SHROOM3: variants seen among roughly 807,000 people sequenced by gnomAD.
The protein encoded by SHROOM3 is shroom family member 3, also known as protein Shroom3.
Under a neutral mutation model 138.6 loss-of-function variants are expected in SHROOM3, and 47 were observed. The observed-to-expected ratio is 0.34, with a 90% CI of 0.27 to 0.43. The LOEUF is 0.43. SHROOM3 is among the 20% of genes least tolerant of loss of function. SHROOM3 has a pLI of 1.00. For synonymous variants in SHROOM3, 1,062 were observed against 1,063.3 expected (o/e 1.00, Z 0.02); for missense variants, 2,491 against 2,596.5 (o/e 0.96, Z 0.88).
At chr4:76,524,633 C>A (rs551165970) in intron 1 of SHROOM3, among the ~76,000 whole-genome samples, 34 of 152,288 alleles carry the variant, frequency 2.2e-4, no homozygotes, top group African/African-American at 7.7e-4. Context: ...CACCATCAAC[C>A]CTTACAAGGG....
chr4:76,528,163 T>C lies in SHROOM3; in HGVS notation c.169-27446T>C, dbSNP rs1350808358. 2.6e-5 allele frequency among the ~76,000 whole-genome samples: 4 copies of C among 152,306 alleles called. No individual in the cohort carries two copies. The Middle Eastern group carries it at 0.01, about 389-fold the overall frequency. On this transcript the variant is annotated intron_variant, in intron 1 of 10. Transcript: ENST00000296043. ...AGGAATAAATTTTTACAATCACATT[T>C]GTCAAGTGAGCCAAGAAGTAATTTT...
At chr4:76,713,125 G>C (rs1188894862) in intron 3 of SHROOM3, among the ~76,000 whole-genome samples, 1 of 152,212 alleles carries the variant, frequency 6.6e-6, no homozygotes. Flanking sequence ...ACTGTGCACT[G>C]CTTTACTGTA....
At position 76,469,736 on chromosome 4, in the gene SHROOM3, C is replaced by T. The variant is rs149087928; in HGVS notation, c.168+33516C>T. Among the ~76,000 whole-genome samples, 1,066 of 152,276 alleles carry T rather than the reference C, an allele frequency of 7.0e-3. 9 individuals carry two copies. Among genetic ancestry groups the T allele is most frequent in the African/African-American group, 0.024 (1,009 of 41,562 alleles). ...CCTCCCAAAGTGCTGGGATTACAGGCGTGAGCCACCAGGCCCAGCTCCCAG... is the reference window on the plus strand; with the variant it reads ...CCTCCCAAAGTGCTGGGATTACAGGTGTGAGCCACCAGGCCCAGCTCCCAG... On this transcript the variant is annotated intron_variant, in intron 1 of 10. Transcript: ENST00000296043.
rs114638782 is a variant in SHROOM3 at position 76,444,352 on chromosome 4, C to T, written c.168+8132C>T. 8.4e-3 allele frequency among the ~76,000 whole-genome samples: 1,263 copies of T among 151,116 alleles called. 20 individuals carry two copies. Among genetic ancestry groups the T allele is most frequent in the East Asian group, 0.041 (213 of 5,156 alleles). On this transcript the variant is annotated intron_variant, in intron 1 of 10. Coordinates refer to ENST00000296043, the MANE Select transcript of SHROOM3 (RefSeq NM_020859.4). ...TTCCAGCATAGAAAAAAGCTTACAT[C>T]CCAGACAATATAGGGCTCTGAGTGG...
chr4:76,608,743 T>TAGCACAGCACAGCACAGCACAGCAC (rs1553928262), intron 2 of SHROOM3, among the ~76,000 whole-genome samples: 1 of 130,438 alleles, frequency 7.7e-6, no homozygotes, highest in African/African-American at 2.9e-5. Context: ...TAGCATAGCA[T>TAGCACAGCACAGCACAGCACAGCAC]AGCACAGTGT....
chr4:76,452,889 T>A (rs1490676894), intron 1 of SHROOM3, among the ~76,000 whole-genome samples: 1 of 152,148 alleles, frequency 6.6e-6, no homozygotes, highest in African/African-American at 2.4e-5. Flanking sequence ...AGCTAATTTT[T>A]GTATTTTTAG....
At chr4:76,483,914 T>C (rs1239075648) in intron 1 of SHROOM3, among the ~76,000 whole-genome samples, 1 of 151,984 alleles carries the variant, frequency 6.6e-6, no homozygotes, top group East Asian at 1.9e-4. Context: ...ACACTGCATG[T>C]TCTCATTCAT....
intron 2 of SHROOM3, among the ~76,000 whole-genome samples, chr4:76,702,773 G>T (rs1253011932): frequency 6.6e-6 from 1 of 152,120 alleles, no homozygotes; most frequent in Middle Eastern, 3.2e-3. Context: ...CACTTGTCCT[G>T]GGCTACTAGC....
intron 2 of SHROOM3, among the ~76,000 whole-genome samples, chr4:76,631,667 G>A (rs1735328512): frequency 6.6e-6 from 1 of 152,160 alleles, no homozygotes; most frequent in Non-Finnish European, 1.5e-5. Context: ...AGCAGGGTTG[G>A]GACCACATCA....
At chr4:76,696,917 T>C (rs1421439242) in intron 2 of SHROOM3, among the ~76,000 whole-genome samples, 1 of 151,808 alleles carries the variant, frequency 6.6e-6, no homozygotes, top group Non-Finnish European at 1.5e-5. Context: ...CCGAGAGGTT[T>C]TTGTTGTTGT....
chr4:76,757,145 TATA>T (rs1375660791), intron 8 of SHROOM3: 8 of 638,130 alleles, frequency 1.3e-5, no homozygotes, highest in Non-Finnish European at 2.1e-5. Context: ...TAGTAATAAT[TATA>T]ATAATTGCCA....
intron 2 of SHROOM3, among the ~76,000 whole-genome samples, chr4:76,571,576 G>A (rs1311850202): frequency 1.3e-5 from 2 of 152,218 alleles, no homozygotes; most frequent in Non-Finnish European, 2.9e-5. Flanking sequence ...GAAGAGAGAA[G>A]TGGCAGAGGC....
At chr4:76,755,500 A>G (rs1721777248) in intron 7 of SHROOM3, among the ~76,000 whole-genome samples, 1 of 152,206 alleles carries the variant, frequency 6.6e-6, no homozygotes, top group Non-Finnish European at 1.5e-5. Flanking sequence ...CAGTTAGGAA[A>G]TAAGACAAAA....
At chr4:76,615,251 C>T (rs979656015) in intron 2 of SHROOM3, among the ~76,000 whole-genome samples, 3 of 152,174 alleles carry the variant, frequency 2.0e-5, no homozygotes, top group Admixed American at 2.0e-4. Context: ...CGCCTTCAAC[C>T]AAAAGCATAG....
At chr4:76,674,488 G>T (rs1718972295) in intron 2 of SHROOM3, among the ~76,000 whole-genome samples, 2 of 149,264 alleles carry the variant, frequency 1.3e-5, no homozygotes, top group East Asian at 2.0e-4. Context: ...TTTTTTCCTA[G>T]ATCATATGTC....
At chr4:76,669,281 G>C (rs1332293497) in intron 2 of SHROOM3, among the ~76,000 whole-genome samples, 1 of 152,004 alleles carries the variant, frequency 6.6e-6, no homozygotes, top group African/African-American at 2.4e-5. Context: ...ACGTGTAGGG[G>C]AATCTGTCTT....
At chr4:76,662,937 G>A (rs535903242) in intron 2 of SHROOM3, among the ~76,000 whole-genome samples, 120 of 151,168 alleles carry the variant, frequency 7.9e-4, no homozygotes, top group Non-Finnish European at 1.6e-3. Context: ...GAGGGAGAGG[G>A]AGGGAGAGAG....
Position 76,739,580 on chromosome 4 carries a change from G to A in SHROOM3, c.1407G>A (p.Pro469=), listed in dbSNP as rs149936624. The part of the protein sequence containing the change: ...GQPLLPTSIY[P]VPSLEPHFAQ... ...CTCTGCTGCCGACCAGCATCTACCCGGTACCTTCCCTGGAGCCACACTTTG... is the reference window on the plus strand; with the variant it reads ...CTCTGCTGCCGACCAGCATCTACCCAGTACCTTCCCTGGAGCCACACTTTG... The change falls in exon 5 of 11, where the codon CCG becomes CCA. Residue 469 remains proline (P), a synonymous_variant. Coordinates refer to ENST00000296043, the MANE Select transcript of SHROOM3 (RefSeq NM_020859.4). 61 of 1,614,014 alleles carry A rather than the reference G, an allele frequency of 3.8e-5. No individual in the cohort carries two copies. Among genetic ancestry groups the A allele is most frequent in the Admixed American group, 3.2e-4 (19 of 59,996 alleles).
intron 2 of SHROOM3, among the ~76,000 whole-genome samples, chr4:76,708,127 T>C (rs1165717773): frequency 6.6e-6 from 1 of 152,150 alleles, no homozygotes; most frequent in Non-Finnish European, 1.5e-5. Context: ...TAGGACAACA[T>C]GGTTTTGGGG....
Sources: gnomAD v4.1 joint callset for allele counts (sites outside exome capture counted in the v4.1 genomes callset) on GRCh38, gnomAD v4.1.1 for gene constraint, MANE v1.5 for transcripts, NCBI Gene and HGNC (gene_info 2026-07-23, HGNC 2026-07-21) for gene names.